The following RANBP2 variants were observed in gnomAD, a reference collection of about 807,000 sequenced individuals.
RANBP2 encodes the protein E3 SUMO-protein ligase RanBP2.
RANBP2 carries 57 observed loss-of-function variants against 303.6 expected under a neutral mutation model. That is an observed-to-expected ratio of 0.19 (90% CI 0.15 to 0.23). RANBP2 has a LOEUF of 0.23. RANBP2 is among the 10% of genes least tolerant of loss of function. RANBP2 has a pLI of 1.00. For missense variants in RANBP2, 3,138 were observed against 3,780.8 expected (o/e 0.83, Z 4.46); for synonymous variants, 1,167 against 1,301.5 (o/e 0.90, Z 2.23).
chr2:109,017,206 C>G, the RANBP2 span, among the ~76,000 whole-genome samples: 1 of 152,232 alleles, frequency 6.6e-6, no homozygotes, highest in Non-Finnish European at 1.5e-5. Context: ...AAGGCTCATG[C>G]CACAAACAAC....
the RANBP2 span, among the ~76,000 whole-genome samples, chr2:109,241,446 G>A: frequency 3.3e-5 from 5 of 152,136 alleles, no homozygotes; most frequent in Non-Finnish European, 4.4e-5. Context: ...AAATACTTTA[G>A]GAATGTCCTT....
chr2:109,759,928 T>C, the RANBP2 span, among the ~76,000 whole-genome samples: 1 of 121,638 alleles, frequency 8.2e-6, no homozygotes, highest in Non-Finnish European at 1.7e-5. Flanking sequence ...AGCAGTGTTA[T>C]AGTGGCTGAC....
the RANBP2 span, among the ~76,000 whole-genome samples, chr2:109,659,459 G>A: frequency 6.6e-6 from 1 of 152,134 alleles, no homozygotes; most frequent in Non-Finnish European, 1.5e-5. Context: ...CTCAATTGGA[G>A]CCCTGTCTTC....
chr2:109,606,359 G>A, the RANBP2 span, among the ~76,000 whole-genome samples: 4 of 152,114 alleles, frequency 2.6e-5, no homozygotes, highest in African/African-American at 9.7e-5. Context: ...AGGTTGCAGT[G>A]AGCCAACACT....
the RANBP2 span, among the ~76,000 whole-genome samples, chr2:109,213,726 C>T: frequency 6.6e-6 from 1 of 152,166 alleles, no homozygotes; most frequent in African/African-American, 2.4e-5. Context: ...TATCCTTTAC[C>T]TTGAGTGGGG....
chr2:109,120,231 C>T, the RANBP2 span, among the ~76,000 whole-genome samples: 4 of 152,318 alleles, frequency 2.6e-5, no homozygotes, highest in South Asian at 8.3e-4. Flanking sequence ...GGGGGAGGGC[C>T]TCCCAGTATA....
At chr2:108,889,337 A>G in the RANBP2 span, among the ~76,000 whole-genome samples, 159 of 152,254 alleles carry the variant, frequency 1.0e-3, 1 homozygote, top group African/African-American at 3.5e-3. Flanking sequence ...TTTAAATCCA[A>G]TGCTTTTTGA....
At chr2:109,634,804 T>G in the RANBP2 span, among the ~76,000 whole-genome samples, 1 of 142,062 alleles carries the variant, frequency 7.0e-6, no homozygotes, top group Non-Finnish European at 1.6e-5. Flanking sequence ...CAATATTTAC[T>G]AAAACTAATT....
chr2:109,647,799 C>A, the RANBP2 span, among the ~76,000 whole-genome samples: 1 of 152,148 alleles, frequency 6.6e-6, no homozygotes, highest in Non-Finnish European at 1.5e-5. Flanking sequence ...AACATTAGAG[C>A]CAGAGAAGCA....
chr2:109,417,610 A>G, the RANBP2 span, among the ~76,000 whole-genome samples: 1 of 152,072 alleles, frequency 6.6e-6, no homozygotes, highest in Non-Finnish European at 1.5e-5. Flanking sequence ...TTGAAAATCA[A>G]AGGTTTTTCT....
chr2:108,942,641 C>T, the RANBP2 span, among the ~76,000 whole-genome samples: 1 of 152,168 alleles, frequency 6.6e-6, no homozygotes, highest in African/African-American at 2.4e-5. Context: ...CACCTGCTTT[C>T]CACGCCAGAG....
the RANBP2 span, among the ~76,000 whole-genome samples, chr2:109,340,177 C>A: frequency 2.0e-5 from 3 of 152,140 alleles, no homozygotes; most frequent in Admixed American, 6.5e-5. Context: ...GGAGGTCAGA[C>A]CACCTGGATC....
At chr2:109,485,710 T>C in the RANBP2 span, among the ~76,000 whole-genome samples, 1 of 152,392 alleles carries the variant, frequency 6.6e-6, no homozygotes, top group Admixed American at 6.5e-5. Flanking sequence ...CTTCAGGCTG[T>C]GTGTGTGACT....
At chr2:109,069,742 G>A in the RANBP2 span, among the ~76,000 whole-genome samples, 1 of 152,012 alleles carries the variant, frequency 6.6e-6, no homozygotes, top group African/African-American at 2.4e-5. Flanking sequence ...TTCTTTTTTG[G>A]CTCTTTCATG....
chr2:109,111,951 A>T, the RANBP2 span, among the ~76,000 whole-genome samples: 1 of 152,126 alleles, frequency 6.6e-6, no homozygotes. Flanking sequence ...GTCCCTACAA[A>T]GGACATGAAC....
At chr2:109,681,790 G>A in the RANBP2 span, among the ~76,000 whole-genome samples, 13 of 152,346 alleles carry the variant, frequency 8.5e-5, no homozygotes, top group African/African-American at 1.4e-4. Flanking sequence ...GCTCTTGCCC[G>A]GCATTCAGCC....
the RANBP2 span, among the ~76,000 whole-genome samples, chr2:108,977,797 A>C: frequency 6.6e-6 from 1 of 152,238 alleles, no homozygotes; most frequent in African/African-American, 2.4e-5. Flanking sequence ...ACCTCAGGAC[A>C]GTTCCTGCTG....
At chr2:109,198,049 C>G in the RANBP2 span, among the ~76,000 whole-genome samples, 2 of 152,192 alleles carry the variant, frequency 1.3e-5, no homozygotes, top group Admixed American at 1.3e-4. Context: ...GTGGCTAAGC[C>G]CAGTCCCCAT....
At chr2:108,744,350 G>T (rs1696342934) in intron 7 of RANBP2, among the ~76,000 whole-genome samples, 1 of 151,978 alleles carries the variant, frequency 6.6e-6, no homozygotes, top group Non-Finnish European at 1.5e-5. Context: ...GTTGCAGTGA[G>T]CTGAAATCGT....
Sources: allele counts gnomAD v4.1 joint callset (sites outside exome capture counted in the v4.1 genomes callset), GRCh38; gene constraint gnomAD v4.1.1; transcripts MANE v1.5; gene names NCBI Gene and HGNC (gene_info 2026-07-23, HGNC 2026-07-21).